Variants in KANSL1L observed in about 807,000 individuals in gnomAD.
The protein encoded by KANSL1L is KAT8 regulatory NSL complex subunit 1-like protein.
Under a neutral mutation model 108.6 loss-of-function variants are expected in KANSL1L, and 25 were observed. The observed-to-expected ratio is 0.23, with a 90% CI of 0.17 to 0.32. The LOEUF is 0.32. Ranked by LOEUF, KANSL1L falls within the 10% of genes least tolerant of loss-of-function variation. The pLI is 1.00. For missense variants in KANSL1L, 1,137 were observed against 1,125.7 expected, an observed-to-expected ratio of 1.01 and a Z score of -0.14; for synonymous variants, 405 against 395.1, an observed-to-expected ratio of 1.03 and a Z score of -0.30.
In KANSL1L at chr2:210,128,381, A is replaced by C. The variant is rs145796152; in HGVS notation, c.1230+650T>G. Among the ~76,000 whole-genome samples, 334 of 152,358 alleles carry C rather than the reference A, an allele frequency of 2.2e-3. 2 individuals carry two copies. Among genetic ancestry groups the C allele is most frequent in the African/African-American group, 6.6e-3 (275 of 41,596 alleles). ...CCAAGTGTCCATCAACGGATGAATG[A>C]ATAAACAAAATGTGGTATATACATA... On this transcript the variant is annotated intron_variant, in intron 3 of 14. Transcript: ENST00000281772.
At chr2:210,085,928 A>AATTATTAT (rs1404248619) in intron 5 of KANSL1L, among the ~76,000 whole-genome samples, 2 of 149,822 alleles carry the variant, frequency 1.3e-5, no homozygotes, top group African/African-American at 4.9e-5. Flanking sequence ...ATTTATTAAT[A>AATTATTAT]ATTATTATAT....
intron 8 of KANSL1L, among the ~76,000 whole-genome samples, chr2:210,034,849 T>G (rs191743750): frequency 2.6e-5 from 4 of 152,342 alleles, no homozygotes; most frequent in African/African-American, 9.6e-5. Flanking sequence ...ATCTGAGACC[T>G]AATTTCAGAA....
chr2:210,113,363 A>T (rs2094926671), intron 3 of KANSL1L, among the ~76,000 whole-genome samples: 1 of 152,228 alleles, frequency 6.6e-6, no homozygotes, highest in Non-Finnish European at 1.5e-5. Context: ...ATAAGATTTT[A>T]ACTATACACT....
intron 6 of KANSL1L, among the ~76,000 whole-genome samples, chr2:210,063,017 G>C (rs1017636868): frequency 2.6e-5 from 4 of 152,134 alleles, no homozygotes; most frequent in Admixed American, 6.5e-5. Context: ...AGGCCCAGAG[G>C]CCTAGGAAGA....
chr2:210,059,898 C>T (rs548898787), intron 6 of KANSL1L, among the ~76,000 whole-genome samples: 24 of 152,120 alleles, frequency 1.6e-4, no homozygotes, highest in Admixed American at 7.9e-4. Flanking sequence ...CGTGTCACCA[C>T]GCCTGGCTAA....
chr2:210,128,285 CAG>C (rs1447486167), intron 3 of KANSL1L, among the ~76,000 whole-genome samples: 1 of 152,100 alleles, frequency 6.6e-6, no homozygotes, highest in Non-Finnish European at 1.5e-5. Context: ...GAATTGAAAA[CAG>C]GGTCTCAAAG....
rs2095095556 is a variant in KANSL1L, at chr2:210,129,053, T to C, written c.1208A>G (p.His403Arg). Residue 403 changes from histidine (H) to arginine (R), a missense_variant, in exon 3 of 15, where the codon CAC (histidine) becomes CGC (arginine). Transcript: ENST00000281772. ...TACCTTGGAGGCACGAATTTGCCTG[T>C]GAATGTCTGTTAGTTGTTGGATTTT... ...ECKIQQLTDI[H>R]RQIRASKGIV... The C allele has an allele frequency of 7.4e-6, 12 of 1,613,752 alleles. No individual in the cohort carries two copies. The highest frequency in any genetic ancestry group is 1.0e-5 in the Non-Finnish European group (12 of 1,179,818).
In KANSL1L at chr2:210,055,144, C is replaced by T. The variant is rs139052753; in HGVS notation, c.1756-11040G>A. On this transcript the variant is annotated intron_variant, in intron 6 of 14. Transcript: ENST00000281772. ...ATGCTGCTGTTCTTGTGAATTCTCA[C>T]GAGATGGTTTTATAAGGGGCTTTTT... Among the ~76,000 whole-genome samples the T allele has an allele frequency of 1.3e-3, 205 of 152,294 alleles. 6 individuals carry two copies. In the East Asian group the frequency reaches 0.033, roughly 25 times the overall value.
chr2:210,154,553 T>G lies in KANSL1L; in HGVS notation c.30A>C (p.Ala10=). The change falls in exon 2 of 15, where the codon GCA becomes GCC. Residue 10 remains alanine (A), a synonymous_variant. Transcript: ENST00000281772. The stretch of plus-strand genomic sequence containing the variant: ...GCAAAGATGAAAAGCTGATACCCTT[T>G]GCTGTTGCCTCCCTCAGAGCTGGGG... MTPALREAT[A]KGISFSSLPS... 6.5e-7 allele frequency: 1 copy of G among 1,545,152 alleles called. No homozygotes were observed. Among genetic ancestry groups the G allele is most frequent in the Non-Finnish European group, 8.7e-7 (1 of 1,145,734 alleles).
chr2:210,028,960 G>T lies in KANSL1L; in HGVS notation c.2281C>A (p.Arg761=), dbSNP rs774001269. ...GAGCTCTCACTTCTCAATCTCCGTC[G>T]TGCAGTATTCTGCAAAACAGGATTA... The part of the protein sequence containing the change: ...RIQNSSRNTA[R]RRLRSESSYD... The change falls in exon 11 of 15, where the codon CGA becomes AGA. Residue 761 remains arginine (R), a synonymous_variant. Transcript: ENST00000281772. 1 of 1,609,688 alleles carries T rather than the reference G, an allele frequency of 6.2e-7. No individual in the cohort carries two copies. Among genetic ancestry groups the T allele is most frequent in the Non-Finnish European group, 8.5e-7 (1 of 1,177,496 alleles).
chr2:210,040,227 A>G (rs2094149313), intron 8 of KANSL1L, 193 bp downstream of exon 8: 1 of 469,458 alleles, frequency 2.1e-6, no homozygotes, highest in Non-Finnish European at 3.8e-6. Context: ...ATTACAATTC[A>G]ATAGGTATCG....
intron 2 of KANSL1L, among the ~76,000 whole-genome samples, chr2:210,134,553 T>C (rs1478496082): frequency 6.6e-6 from 1 of 152,174 alleles, no homozygotes; most frequent in African/African-American, 2.4e-5. Context: ...CAGGTTATTA[T>C]ATTACTTGCT....
At chr2:210,126,528 T>C (rs1236333271) in intron 3 of KANSL1L, among the ~76,000 whole-genome samples, 14 of 151,952 alleles carry the variant, frequency 9.2e-5, no homozygotes, top group Admixed American at 9.2e-4. Context: ...AAAACACAAA[T>C]CTAGAGTTGG....
At position 210,022,875 on chromosome 2, in the gene KANSL1L, T is replaced by TG; in HGVS notation, c.*73dup. On this transcript the variant is annotated 3_prime_UTR_variant, in exon 15 of 15. Coordinates refer to ENST00000281772, the MANE Select transcript of KANSL1L (RefSeq NM_152519.4). The stretch of plus-strand genomic sequence containing the variant: ...GAACATGCTCTTATTCTGGAGGGGA[T>TG]GGGGGATCCAGAACAGGGCTTTATT... 1.0e-6 allele frequency: 1 copy of TG among 968,056 alleles called. No homozygotes were observed. The highest frequency in any genetic ancestry group is 1.6e-6 in the Non-Finnish European group (1 of 614,296). 60.0% of individuals were successfully genotyped at this position (968,056 alleles called of 1,614,324 possible).
intron 6 of KANSL1L, among the ~76,000 whole-genome samples, chr2:210,070,489 C>G (rs1259659034): frequency 6.6e-6 from 1 of 152,050 alleles, no homozygotes; most frequent in East Asian, 1.9e-4. Flanking sequence ...CTCGGCCTCC[C>G]AAAGTGCTGG....
intron 3 of KANSL1L, among the ~76,000 whole-genome samples, chr2:210,127,483 T>C (rs1482463710): frequency 6.6e-6 from 1 of 152,008 alleles, no homozygotes; most frequent in African/African-American, 2.4e-5. Context: ...CAGGAAAAGA[T>C]AATATCAACA....
At chr2:210,090,803 G>C (rs1288776023) in intron 5 of KANSL1L, among the ~76,000 whole-genome samples, 4 of 152,136 alleles carry the variant, frequency 2.6e-5, no homozygotes, top group African/African-American at 4.8e-5. Context: ...AAAGTCTTGG[G>C]ATTACAGGCA....
At chr2:210,157,568 G>A (rs890809044) in intron 1 of KANSL1L, among the ~76,000 whole-genome samples, 1 of 151,650 alleles carries the variant, frequency 6.6e-6, no homozygotes, top group African/African-American at 2.4e-5. Context: ...ACATGTGCCA[G>A]TGGTCCCAGC....
rs544625770 is a variant in KANSL1L at position 210,152,109 on chromosome 2, CT to C, written c.1088+1385del. 3.8e-3 allele frequency: 575 copies of C among 152,146 alleles called. 5 individuals carry two copies. Among genetic ancestry groups the C allele is most frequent in the African/African-American group, 0.013 (544 of 41,504 alleles). The allele number at this position is 152,146 out of a possible 1,614,324, so 9.4% of individuals were successfully genotyped here. A position where few individuals can be genotyped will look rare whatever the true frequency, so the allele number is the denominator to read the frequency against. ...GCCTAGTGCCCATTAGTTATTTTTC[CT>C]GATCCTCTCCCTCCTCCCACCCTGC... On this transcript the variant is annotated intron_variant, in intron 2 of 14. Transcript: ENST00000281772.
Sources: allele counts gnomAD v4.1 joint callset (sites outside exome capture counted in the v4.1 genomes callset), GRCh38; gene constraint gnomAD v4.1.1; transcripts MANE v1.5; gene names NCBI Gene and HGNC (gene_info 2026-07-23, HGNC 2026-07-21).